The following RSU1 variants were observed in gnomAD, a reference collection of about 807,000 sequenced individuals.
The protein encoded by RSU1 is rsu-1.
In RSU1, 26 loss-of-function variants were observed where a neutral mutation model predicts 31.1. The ratio of observed to expected loss-of-function variants is 0.84; its 90% CI spans 0.61 to 1.16. The LOEUF is 1.16. Among genes scored for constraint, RSU1 ranks in the 50% most tolerant of loss-of-function variants. The pLI, the probability that RSU1 is intolerant of heterozygous loss-of-function variation, is 0.00. For synonymous variants in RSU1, 164 were observed against 136.3 expected, an observed-to-expected ratio of 1.20 and a Z score of -1.41; for missense variants, 320 against 339.1, an observed-to-expected ratio of 0.94 and a Z score of 0.44.
chr10:16,662,961 T>A (rs983390529), intron 8 of RSU1, among the ~76,000 whole-genome samples: 39 of 146,098 alleles, frequency 2.7e-4, no homozygotes, highest in African/African-American at 9.9e-4. Flanking sequence ...CGGGGGCATC[T>A]CTCAGCAATC....
intron 8 of RSU1, among the ~76,000 whole-genome samples, chr10:16,594,411 AT>A (rs529382536): frequency 0.017 from 2,370 of 141,402 alleles, 57 homozygotes; most frequent in African/African-American, 0.054. Flanking sequence ...GGCGTCCGGC[AT>A]TTTTTTTTTT....
intron 2 of RSU1, among the ~76,000 whole-genome samples, chr10:16,804,152 G>A (rs189854766): frequency 7.9e-5 from 12 of 152,154 alleles, no homozygotes; most frequent in African/African-American, 2.2e-4. Context: ...TAAAAAGTAC[G>A]TGAAAAATCT....
Position 16,643,830 on chromosome 10 carries a change from A to G in RSU1, c.732-50334T>C, listed in dbSNP as rs1040165746. Among the ~76,000 whole-genome samples, 5 of 152,286 alleles carry G rather than the reference A, an allele frequency of 3.3e-5. No individual in the cohort carries two copies. The East Asian group carries it at 7.7e-4, about 24-fold the overall frequency. ...ATGTCTGCAAGCCCAGTCAACTCCAAATAAAAAAAATACTCAAAGAAAAAA... is the reference window on the plus strand; with the variant it reads ...ATGTCTGCAAGCCCAGTCAACTCCAGATAAAAAAAATACTCAAAGAAAAAA... On this transcript the variant is annotated intron_variant, in intron 8 of 8. Transcript: ENST00000345264.
chr10:16,728,040 T>C (rs183150646), intron 7 of RSU1, among the ~76,000 whole-genome samples: 1 of 152,344 alleles, frequency 6.6e-6, no homozygotes. Flanking sequence ...CTTCAACAAA[T>C]TGTATCTTTC....
chr10:16,739,614 A>G (rs1456677149), intron 7 of RSU1, among the ~76,000 whole-genome samples: 1 of 148,294 alleles, frequency 6.7e-6, no homozygotes, highest in Non-Finnish European at 1.5e-5. Context: ...GGGACTACAC[A>G]TTTTCTTTCT....
rs372736026 is a variant in RSU1 at position 16,664,687 on chromosome 10, T to A, written c.731+30336A>T. ...TCATTAAACTAGATTATCTGAGACT[T>A]CTTTGAACTCTACTATAATTTAATT... On this transcript the variant is annotated intron_variant, in intron 8 of 8. Transcript: ENST00000345264. Among the ~76,000 whole-genome samples, 14 of 152,302 alleles carry A rather than the reference T, an allele frequency of 9.2e-5. No homozygotes were observed. In the East Asian group the frequency reaches 2.7e-3, roughly 29 times the overall value.
chr10:16,722,784 A>G (rs919546407), intron 7 of RSU1, among the ~76,000 whole-genome samples: 2 of 151,262 alleles, frequency 1.3e-5, no homozygotes, highest in Non-Finnish European at 2.9e-5. Context: ...ATATATGTGT[A>G]TGTGTGTGTC....
At chr10:16,681,107 A>G (rs563657288) in intron 8 of RSU1, among the ~76,000 whole-genome samples, 1 of 152,374 alleles carries the variant, frequency 6.6e-6, no homozygotes, top group African/African-American at 2.4e-5. Context: ...TAAGACAGCA[A>G]CTATCACCCT....
At chr10:16,752,029 G>C (rs1040147041) in intron 7 of RSU1, among the ~76,000 whole-genome samples, 3 of 152,192 alleles carry the variant, frequency 2.0e-5, no homozygotes, top group African/African-American at 7.2e-5. Context: ...ATTCCTACTA[G>C]AGATGGGATC....
intron 3 of RSU1, among the ~76,000 whole-genome samples, chr10:16,774,211 T>C (rs1379883744): frequency 6.6e-6 from 1 of 152,184 alleles, no homozygotes; most frequent in Non-Finnish European, 1.5e-5. Flanking sequence ...AGCAGATTAA[T>C]AAGATGGCAC....
Position 16,815,673 on chromosome 10 carries a change from T to C in RSU1, c.109+1300A>G, listed in dbSNP as rs578166412. On this transcript the variant is annotated intron_variant, in intron 2 of 8. Coordinates refer to ENST00000345264, the MANE Select transcript of RSU1 (RefSeq NM_012425.4). The stretch of plus-strand genomic sequence containing the variant: ...TGTCCCAGCAGAGAAGAGAGACTTC[T>C]AGATTAAAAAAGAAAAAAATCAGTA... 7.9e-5 allele frequency among the ~76,000 whole-genome samples: 12 copies of C among 152,310 alleles called. No homozygotes were observed. In the South Asian group the frequency reaches 2.1e-3, roughly 26 times the overall value.
intron 7 of RSU1, among the ~76,000 whole-genome samples, chr10:16,700,917 G>A (rs1436459749): frequency 2.0e-5 from 3 of 152,148 alleles, no homozygotes; most frequent in Non-Finnish European, 2.9e-5. Flanking sequence ...GATCTACCAA[G>A]CTTGCTATCA....
intron 7 of RSU1, among the ~76,000 whole-genome samples, chr10:16,717,061 T>C (rs916895117): frequency 6.6e-6 from 1 of 152,212 alleles, no homozygotes; most frequent in Non-Finnish European, 1.5e-5. Context: ...CGAAATTAAC[T>C]TTATTTTTTT....
At chr10:16,716,704 T>G (rs974341866) in intron 7 of RSU1, among the ~76,000 whole-genome samples, 1 of 151,962 alleles carries the variant, frequency 6.6e-6, no homozygotes, top group African/African-American at 2.4e-5. Context: ...AGAAAAGGAG[T>G]CTGACCATGA....
At chr10:16,613,703 G>A (rs988818007) in intron 8 of RSU1, among the ~76,000 whole-genome samples, 2 of 151,958 alleles carry the variant, frequency 1.3e-5, no homozygotes, top group Admixed American at 6.6e-5. Context: ...CAGGCATGTT[G>A]CAGTAATGCT....
intron 3 of RSU1, among the ~76,000 whole-genome samples, chr10:16,778,156 G>A (rs1837574679): frequency 6.6e-6 from 1 of 151,570 alleles, no homozygotes; most frequent in Non-Finnish European, 1.5e-5. Context: ...CAGTAGCTGA[G>A]ATGCCTGGCT....
chr10:16,645,908 A>ATGTATATATATGTGTATATACATATATG (rs1834539163), intron 8 of RSU1, among the ~76,000 whole-genome samples: 1 of 77,844 alleles, frequency 1.3e-5, no homozygotes, highest in Non-Finnish European at 2.2e-5. Context: ...ATACACATAT[A>ATGTATATATATGTGTATATACATATATG]TGTATATATA....
intron 7 of RSU1, among the ~76,000 whole-genome samples, chr10:16,724,796 C>T (rs756956403): frequency 4.6e-5 from 7 of 152,184 alleles, no homozygotes; most frequent in East Asian, 1.9e-4. Context: ...GTAGCTCAAA[C>T]GAGAACTAGG....
chr10:16,733,656 A>G (rs1209369785), intron 7 of RSU1, among the ~76,000 whole-genome samples: 1 of 152,234 alleles, frequency 6.6e-6, no homozygotes, highest in Non-Finnish European at 1.5e-5. Context: ...TATAAAGGCT[A>G]TAACACGGAC....
Sources: allele counts gnomAD v4.1 joint callset (sites outside exome capture counted in the v4.1 genomes callset), GRCh38; gene constraint gnomAD v4.1.1; transcripts MANE v1.5; gene names NCBI Gene and HGNC (gene_info 2026-07-23, HGNC 2026-07-21).